ANKFN1: variants seen among roughly 807,000 people sequenced by gnomAD.
ANKFN1 encodes the protein ankyrin repeat and fibronectin type III domain containing 1, also known as ankyrin repeat and fibronectin type-III domain-containing protein 1.
Under a neutral mutation model 108.7 loss-of-function variants are expected in ANKFN1, and 74 were observed. The observed-to-expected ratio is 0.68, with a 90% CI of 0.56 to 0.83. The LOEUF is 0.83. Among genes scored for constraint, ANKFN1 ranks in the 40% least tolerant of loss-of-function variants. ANKFN1 has a pLI of 0.00. For synonymous variants in ANKFN1, 547 were observed against 516.2 expected (o/e 1.06, Z -0.81); for missense variants, 1,505 against 1,382.3 (o/e 1.09, Z -1.41).
chr17:56,255,771 C>T lies in ANKFN1; in HGVS notation c.53+27814C>T, dbSNP rs754108816. Among the ~76,000 whole-genome samples, 78 of 152,098 alleles carry T rather than the reference C, an allele frequency of 5.1e-4. 1 individual carries two copies. The highest frequency in any genetic ancestry group is 2.1e-4 in the South Asian group (1 of 4,812). On this transcript the variant is annotated intron_variant, in intron 3 of 20. Coordinates refer to ENST00000682825, the MANE Select transcript of ANKFN1 (RefSeq NM_001370326.1). ...ACATTCAAGACCATCAAGTTTAAAA[C>T]GTTTGGGTACCGTGATTATATTTTA...
At chr17:56,337,299 G>C (rs2045838144) in intron 4 of ANKFN1, among the ~76,000 whole-genome samples, 1 of 152,128 alleles carries the variant, frequency 6.6e-6, no homozygotes, top group Non-Finnish European at 1.5e-5. Flanking sequence ...TCGTCGATCT[G>C]TCTAATATTG....
intron 10 of ANKFN1, among the ~76,000 whole-genome samples, chr17:56,443,538 A>T (rs1468443590): frequency 2.0e-5 from 3 of 152,142 alleles, no homozygotes; most frequent in Non-Finnish European, 4.4e-5. Flanking sequence ...CCTCACCCGC[A>T]GTGCACACAT....
intron 3 of ANKFN1, among the ~76,000 whole-genome samples, chr17:56,287,633 G>C (rs530328717): frequency 3.3e-4 from 50 of 152,258 alleles, no homozygotes; most frequent in Non-Finnish European, 5.6e-4. Context: ...AAGATATTCT[G>C]CATCTGGGTA....
chr17:56,286,662 G>A (rs114582736), intron 3 of ANKFN1, among the ~76,000 whole-genome samples: 79 of 152,132 alleles, frequency 5.2e-4, no homozygotes, highest in African/African-American at 1.7e-3. Flanking sequence ...TTTATATGAC[G>A]TAGACTCACT....
rs536452426 is a variant in ANKFN1 at position 56,070,744 on chromosome 17, C to CTTTT, written c.288+24427_288+24430dup. ...TCCATTTTCTCTTTTGTATTTTTTT[C>CTTTT]TTTTTTTTTTTGAGACGTACTCTCA... On this transcript the variant is annotated intron_variant, in intron 4 of 12. Coordinates refer to the ANKFN1 transcript ENST00000635860. Among the ~76,000 whole-genome samples the CTTTT allele has an allele frequency of 9.2e-4, 118 of 128,836 alleles. 1 individual carries two copies. Among genetic ancestry groups the CTTTT allele is most frequent in the Middle Eastern group, 4.2e-3 (1 of 240 alleles). The allele number at this position is 128,836 out of a possible 152,430, so 84.5% of individuals were successfully genotyped here.
Position 56,090,197 on chromosome 17 carries a change from T to A in ANKFN1, c.288+43872T>A, listed in dbSNP as rs1598092594. ...CATGTCACGGAGTGAAATGGGGCGC[T>A]GTATAGTGTATGAGCCAGAATGTGA... On this transcript the variant is annotated intron_variant, in intron 4 of 12. Transcript: ENST00000635860. Among the ~76,000 whole-genome samples, 7 of 151,258 alleles carry A rather than the reference T, an allele frequency of 4.6e-5. No homozygotes were observed. In the East Asian group the frequency reaches 9.7e-4, roughly 21 times the overall value.
chr17:56,401,364 T>G (rs2047758040), intron 8 of ANKFN1, among the ~76,000 whole-genome samples: 1 of 91,666 alleles, frequency 1.1e-5, no homozygotes, highest in Non-Finnish European at 2.4e-5. Context: ...TTGTATTGTA[T>G]TGTATTGTGT....
chr17:56,179,856 A>C (rs1406642315), intron 1 of ANKFN1, among the ~76,000 whole-genome samples: 1 of 152,134 alleles, frequency 6.6e-6, no homozygotes, highest in Non-Finnish European at 1.5e-5. Context: ...TTCCTTCCCA[A>C]AATCTGGAAG....
intron 3 of ANKFN1, chr17:56,245,765 CAG>C (rs1016485638): frequency 5.3e-5 from 8 of 152,178 alleles, no homozygotes; most frequent in African/African-American, 1.7e-4. Flanking sequence ...CTGAGGAAAC[CAG>C]AGAGTCCTAC....
chr17:56,188,512 CTTA>C (rs952373395), intron 1 of ANKFN1, among the ~76,000 whole-genome samples: 5 of 127,400 alleles, frequency 3.9e-5, no homozygotes, highest in East Asian at 2.3e-4. Flanking sequence ...ATATGCATTT[CTTA>C]TTATATATAA....
rs1335204278 is a variant in ANKFN1, at chr17:56,440,486, A to G, written c.1008+62A>G. 2.1e-6 allele frequency: 3 copies of G among 1,396,878 alleles called. No individual in the cohort carries two copies. In the African/African-American group the frequency reaches 4.3e-5, roughly 20 times the overall value. The allele number at this position is 1,396,878 out of a possible 1,614,324, so 86.5% of individuals were successfully genotyped here. On this transcript the variant is annotated intron_variant, in intron 9 of 20. Transcript: ENST00000682825. ...CTGATATTTGTGCTGGGATATCAGT[A>G]GCAAATGTCTATTCTGAAAGCAACA...
chr17:56,152,714 G>T (rs1371273012), upstream of ANKFN1, among the ~76,000 whole-genome samples: 1 of 152,174 alleles, frequency 6.6e-6, no homozygotes, highest in Non-Finnish European at 1.5e-5. Flanking sequence ...CACTAGGTGA[G>T]GAATCAGGGT....
intron 3 of ANKFN1, among the ~76,000 whole-genome samples, chr17:56,297,913 T>C (rs1174392238): frequency 6.6e-6 from 1 of 152,124 alleles, no homozygotes; most frequent in Non-Finnish European, 1.5e-5. Context: ...CATTAGAAAA[T>C]ATACTTTTAT....
chr17:56,269,719 A>G (rs2043742989), intron 3 of ANKFN1, among the ~76,000 whole-genome samples: 1 of 152,248 alleles, frequency 6.6e-6, no homozygotes, highest in Admixed American at 6.5e-5. Context: ...TACTAGGGAC[A>G]TAGTGTCTGC....
chr17:56,300,531 T>C (rs548402458), intron 3 of ANKFN1, among the ~76,000 whole-genome samples: 1 of 152,276 alleles, frequency 6.6e-6, no homozygotes, highest in Non-Finnish European at 1.5e-5. Context: ...CCAGAAATCT[T>C]TGGAGCCTTT....
chr17:56,311,761 G>C (rs948662445), intron 3 of ANKFN1, among the ~76,000 whole-genome samples: 1 of 152,180 alleles, frequency 6.6e-6, no homozygotes, highest in Non-Finnish European at 1.5e-5. Flanking sequence ...GGGTGTATAT[G>C]AAATGTAAGT....
chr17:56,246,541 A>T (rs78880293), intron 3 of ANKFN1, among the ~76,000 whole-genome samples: 150 of 151,918 alleles, frequency 9.9e-4, no homozygotes, highest in South Asian at 7.5e-3. Flanking sequence ...TCCTTGTGCA[A>T]TTTTTTTTCC....
intron 4 of ANKFN1, among the ~76,000 whole-genome samples, chr17:56,115,182 A>G (rs1371607984): frequency 6.6e-6 from 1 of 152,240 alleles, no homozygotes; most frequent in African/African-American, 2.4e-5. Flanking sequence ...TTGTCTCAGC[A>G]GTTACTCTTC....
At chr17:56,092,898 C>T (rs1284632399) in intron 4 of ANKFN1, among the ~76,000 whole-genome samples, 1 of 151,108 alleles carries the variant, frequency 6.6e-6, no homozygotes, top group Non-Finnish European at 1.5e-5. Context: ...AGACTCAATG[C>T]CTGCCAAGTT....
Sources: gnomAD v4.1 joint callset for allele counts (sites outside exome capture counted in the v4.1 genomes callset) on GRCh38, gnomAD v4.1.1 for gene constraint, MANE v1.5 for transcripts, NCBI Gene and HGNC (gene_info 2026-07-23, HGNC 2026-07-21) for gene names.